Variants in GAB2 observed in about 807,000 individuals in gnomAD.
GAB2 encodes GRB2 associated binding protein 2.
Under a neutral mutation model 65.5 loss-of-function variants are expected in GAB2, and 26 were observed. The ratio of observed to expected loss-of-function variants is 0.40; its 90% confidence interval spans 0.29 to 0.55. The LOEUF (loss-of-function observed/expected upper bound fraction) is 0.55, where lower values mean the gene tolerates loss of function less well. GAB2 is among the 20% of genes least tolerant of loss of function. The probability of loss-of-function intolerance (pLI) is 0.53; values close to 1 mark genes in which losing one functional copy is unlikely to be tolerated. For synonymous variants in GAB2, 321 were observed against 329.6 expected, an observed-to-expected ratio of 0.97 and a Z score of 0.28; for missense variants, 884 against 875.8, an observed-to-expected ratio of 1.01 and a Z score of -0.12.
rs760617029 is a variant in GAB2 at position 78,219,362 on chromosome 11, G to A, written c.1941C>T (p.Asp647=). 2 of 1,613,694 alleles carry A rather than the reference G, an allele frequency of 1.2e-6. No homozygotes were observed. Among genetic ancestry groups the A allele is most frequent in the African/African-American group, 2.7e-5 (2 of 74,918 alleles). ...SDEKVDYVQV[D]KEKTQALQNT... ...TCTGCAGGGCCTGGGTCTTCTCCTT[G>A]TCCACCTGAACGTAGTCCACCTTCT... Residue 647 remains aspartate (D), a synonymous_variant, in exon 10 of 10, where the codon GAC becomes GAT. Transcript: ENST00000361507.
At chr11:78,378,723 TCAAG>T (rs1244609758) in intron 1 of GAB2, among the ~76,000 whole-genome samples, 2 of 152,328 alleles carry the variant, frequency 1.3e-5, no homozygotes, top group East Asian at 3.9e-4. Context: ...ACTCCTGGCC[TCAAG>T]CAATCCTCCT....
At chr11:78,229,281 A>G (rs112272550) in intron 3 of GAB2, among the ~76,000 whole-genome samples, 3,990 of 152,292 alleles carry the variant, frequency 0.026, 94 homozygotes, top group Admixed American at 0.074. Flanking sequence ...TCAAAGATGT[A>G]GAACACAACC....
intron 1 of GAB2, among the ~76,000 whole-genome samples, chr11:78,391,615 T>C (rs150770512): frequency 4.6e-5 from 7 of 152,332 alleles, no homozygotes; most frequent in Non-Finnish European, 5.9e-5. Flanking sequence ...GGTGCTCTCA[T>C]CAACAACTGC....
chr11:78,313,364 G>A (rs1316149710), intron 1 of GAB2, among the ~76,000 whole-genome samples: 1 of 152,170 alleles, frequency 6.6e-6, no homozygotes, highest in Non-Finnish European at 1.5e-5. Context: ...CTCATATGAT[G>A]CCTGACTCAG....
chr11:78,283,794 G>A (rs1365404682), intron 1 of GAB2, among the ~76,000 whole-genome samples: 3 of 151,856 alleles, frequency 2.0e-5, no homozygotes, highest in Admixed American at 6.6e-5. Context: ...TCTATCTACC[G>A]GGCCTCTCTT....
intron 1 of GAB2, among the ~76,000 whole-genome samples, chr11:78,360,080 T>C (rs192843502): frequency 6.6e-6 from 1 of 151,930 alleles, no homozygotes; most frequent in Non-Finnish European, 1.5e-5. Context: ...TGGGCAGAGA[T>C]TGGAGTGATG....
intron 1 of GAB2, among the ~76,000 whole-genome samples, chr11:78,374,272 C>T (rs969807457): frequency 6.6e-6 from 1 of 152,296 alleles, no homozygotes; most frequent in East Asian, 1.9e-4. Flanking sequence ...GCCATCAACC[C>T]TCGAAGAAAA....
intron 1 of GAB2, among the ~76,000 whole-genome samples, chr11:78,353,275 T>C (rs1856307852): frequency 6.6e-6 from 1 of 152,078 alleles, no homozygotes; most frequent in Non-Finnish European, 1.5e-5. Context: ...ACCTCGTCTG[T>C]ACTAAAAACA....
At chr11:78,413,643 G>A (rs988678350) in intron 1 of GAB2, among the ~76,000 whole-genome samples, 2 of 152,144 alleles carry the variant, frequency 1.3e-5, no homozygotes, top group Non-Finnish European at 2.9e-5. Context: ...AAAAAAGTAG[G>A]TAGTACAGAG....
At chr11:78,356,205 G>A (rs1169372892) in intron 1 of GAB2, among the ~76,000 whole-genome samples, 1 of 151,238 alleles carries the variant, frequency 6.6e-6, no homozygotes, top group Non-Finnish European at 1.5e-5. Flanking sequence ...AAGACACAGT[G>A]GTGGAAGGGG....
chr11:78,367,765 A>G (rs1212489740), intron 1 of GAB2, among the ~76,000 whole-genome samples: 1 of 151,500 alleles, frequency 6.6e-6, no homozygotes, highest in East Asian at 1.9e-4. Context: ...GAGAGCATTT[A>G]GCCTGAGCTC....
chr11:78,310,740 T>G (rs921013480), intron 1 of GAB2, among the ~76,000 whole-genome samples: 1 of 152,156 alleles, frequency 6.6e-6, no homozygotes, highest in African/African-American at 2.4e-5. Context: ...CCAGCGCCAC[T>G]GTCCTTCAGT....
At chr11:78,274,908 G>A (rs1390756055) in intron 2 of GAB2, among the ~76,000 whole-genome samples, 1 of 152,216 alleles carries the variant, frequency 6.6e-6, no homozygotes. Flanking sequence ...AGTCAGGCCT[G>A]GGTTAGACTA....
rs1565113332 is a variant in GAB2 at position 78,225,107 on chromosome 11, CCAG to C, written c.1300_1302del (p.Leu434del). 1 of 1,605,364 alleles carries C rather than the reference CCAG, an allele frequency of 6.2e-7. No homozygotes were observed. Reference sequence around the variant, plus strand: ...GGACCCTTGGGTTAACCCACACTCACCAGGAAAGAGCCAACTCCATCACTCATG... The same window carrying C: ...GGACCCTTGGGTTAACCCACACTCACGAAAGAGCCAACTCCATCACTCATG... On this transcript the variant is annotated inframe_deletion and splice_region_variant, in exon 5 of 10. Transcript: ENST00000361507.
In GAB2 at chr11:78,219,196, C is replaced by CGGGAGAG. The variant is rs368153717; in HGVS notation, c.*69_*75dup. 9.7e-5 allele frequency: 133 copies of CGGGAGAG among 1,371,438 alleles called. No homozygotes were observed. In the South Asian group the frequency reaches 1.4e-3, roughly 15 times the overall value. The allele number at this position is 1,371,438 out of a possible 1,614,324, so 85.0% of individuals were successfully genotyped here. On this transcript the variant is annotated 3_prime_UTR_variant, in exon 10 of 10. Coordinates refer to ENST00000361507, the MANE Select transcript of GAB2 (RefSeq NM_080491.3). ...GAGAGGAGGTGGATGGGAGGAAGAA[C>CGGGAGAG]GGGAGAGGGGAGAGGGGAGATGGGA...
chr11:78,226,541 T>G lies in GAB2; in HGVS notation c.1131A>C (p.Glu377Asp). The change falls in exon 4 of 10, where the codon GAA (glutamate) becomes GAC (aspartate). Residue 377 changes from glutamate (E) to aspartate (D), a missense_variant. Glu to Asp is a conservative substitution (Grantham distance 45, BLOSUM62 2). Coordinates refer to ENST00000361507, the MANE Select transcript of GAB2 (RefSeq NM_080491.3). ...TGGTGGCAGCGACAGATCTGCTATT[T>G]TCACTGATTGGCGGTCTCTGCTGAG... is the stretch of plus-strand genomic sequence containing the variant. ...GSPQQRPPIS[E>D]NSRSVAATIP... 1 of 1,609,622 alleles carries G rather than the reference T, an allele frequency of 6.2e-7. No individual in the cohort carries two copies.
chr11:78,367,924 C>G lies in GAB2; in HGVS notation c.75+49722G>C, dbSNP rs143831521. Among the ~76,000 whole-genome samples the G allele has an allele frequency of 6.1e-4, 91 of 148,514 alleles. 1 individual carries two copies. In the East Asian group the frequency reaches 0.013, roughly 21 times the overall value. On this transcript the variant is annotated intron_variant, in intron 1 of 9. Coordinates refer to ENST00000361507, the MANE Select transcript of GAB2 (RefSeq NM_080491.3). ...CTCCGCCTCCCGGATTCACGCCATTCTCCTGCCTCAGCCTCCCGAGTAGCT... is the reference window on the plus strand; with the variant it reads ...CTCCGCCTCCCGGATTCACGCCATTGTCCTGCCTCAGCCTCCCGAGTAGCT...
chr11:78,397,486 T>A (rs923527573), intron 1 of GAB2, among the ~76,000 whole-genome samples: 3 of 152,334 alleles, frequency 2.0e-5, no homozygotes, highest in African/African-American at 7.2e-5. Context: ...AGGAGCTTCA[T>A]AATTCATTCT....
At chr11:78,381,986 A>G (rs1484282092) in intron 1 of GAB2, among the ~76,000 whole-genome samples, 2 of 152,254 alleles carry the variant, frequency 1.3e-5, no homozygotes, top group Admixed American at 6.5e-5. Context: ...CACTTCTCAT[A>G]TATCAGCTCC....
Sources: allele counts gnomAD v4.1 joint callset (sites outside exome capture counted in the v4.1 genomes callset), GRCh38; gene constraint gnomAD v4.1.1; transcripts MANE v1.5; gene names NCBI Gene and HGNC (gene_info 2026-07-23, HGNC 2026-07-21).